Variants in KCNG2 observed in about 807,000 individuals in gnomAD.
KCNG2 encodes voltage-gated potassium channel regulatory subunit KCNG2.
Under a neutral mutation model 12.3 loss-of-function variants are expected in KCNG2, and 7 were observed. The ratio of observed to expected loss-of-function variants is 0.57; its 90% confidence interval spans 0.32 to 1.07. KCNG2 has a LOEUF of 1.07. Ranked by LOEUF, KCNG2 falls within the 50% of genes least tolerant of loss-of-function variation. The probability of loss-of-function intolerance (pLI) is 0.04; values close to 1 mark genes in which losing one functional copy is unlikely to be tolerated. For missense variants in KCNG2, 703 were observed against 726.0 expected (o/e 0.97, Z 0.36); for synonymous variants, 414 against 351.4 (o/e 1.18, Z -1.99).
chr18:79,853,880 G>A (rs1032305713), intron 1 of KCNG2, among the ~76,000 whole-genome samples: 1 of 152,224 alleles, frequency 6.6e-6, no homozygotes, highest in Non-Finnish European at 1.5e-5. Context: ...CAGGTGCCTC[G>A]ACCCTGTGGG....
intron 3 of KCNG2, among the ~76,000 whole-genome samples, chr18:79,865,977 C>CTG (rs1979506323): frequency 1.3e-5 from 1 of 77,340 alleles, no homozygotes. Context: ...GGACTGTGTG[C>CTG]CGAGGTCTGG....
At chr18:79,829,134 C>CTG (rs1173174835) in intron 1 of KCNG2, among the ~76,000 whole-genome samples, 4 of 130,624 alleles carry the variant, frequency 3.1e-5, no homozygotes, top group Non-Finnish European at 6.4e-5. Context: ...GTGCATGTGT[C>CTG]TGTGTGTGGG....
At chr18:79,824,995 T>C (rs1010130575) in intron 1 of KCNG2, among the ~76,000 whole-genome samples, 7 of 152,238 alleles carry the variant, frequency 4.6e-5, no homozygotes, top group Non-Finnish European at 1.0e-4. Context: ...GAGCTTTCCT[T>C]CCTTCTCAAT....
Position 79,899,563 on chromosome 18 carries a change from A to C in KCNG2, c.1148A>C (p.Gln383Pro). 2 of 1,600,806 alleles carry C rather than the reference A, an allele frequency of 1.2e-6. No homozygotes were observed. Among genetic ancestry groups the C allele is most frequent in the Non-Finnish European group, 1.7e-6 (2 of 1,174,102 alleles). ...ATGGTCCCGCGCAGCCTGCCCGGGC[A>C]GGTGGTGGCGCTCAGCAGCATCCTC... is the stretch of plus-strand genomic sequence containing the variant. ...GDMVPRSLPG[Q>P]VVALSSILSG... Residue 383 changes from glutamine to proline, a missense_variant, in exon 4 of 4, where the codon CAG (glutamine) becomes CCG (proline). Gln to Pro is a moderately conservative substitution (Grantham distance 76). Transcript: ENST00000316249.
intron 1 of KCNG2, among the ~76,000 whole-genome samples, chr18:79,819,470 A>C (rs527446686): frequency 6.6e-5 from 10 of 152,188 alleles, no homozygotes; most frequent in Admixed American, 1.3e-4. Flanking sequence ...TGGGCACCGG[A>C]CCCTCCTGGC....
intron 1 of KCNG2, among the ~76,000 whole-genome samples, chr18:79,841,792 C>T (rs1454157825): frequency 6.6e-6 from 1 of 152,190 alleles, no homozygotes; most frequent in Non-Finnish European, 1.5e-5. Flanking sequence ...AATACCTTCA[C>T]AAGAACTAAG....
chr18:79,821,749 G>C (rs1055693037), intron 1 of KCNG2, among the ~76,000 whole-genome samples: 1 of 152,144 alleles, frequency 6.6e-6, no homozygotes, highest in Non-Finnish European at 1.5e-5. Flanking sequence ...CATAGGTGTA[G>C]GGCTCATCTC....
chr18:79,868,690 G>A (rs1036713483), intron 3 of KCNG2, among the ~76,000 whole-genome samples: 2 of 152,300 alleles, frequency 1.3e-5, no homozygotes, highest in African/African-American at 4.8e-5. Context: ...TGTGAGAACC[G>A]TAAAATGATG....
intron 1 of KCNG2, among the ~76,000 whole-genome samples, chr18:79,849,495 G>A (rs1028129422): frequency 6.6e-6 from 1 of 152,204 alleles, no homozygotes; most frequent in Admixed American, 6.5e-5. Context: ...TGCAGGAGCC[G>A]CATCTGGACA....
At chr18:79,852,399 C>G (rs1251560533) in intron 1 of KCNG2, among the ~76,000 whole-genome samples, 1 of 152,248 alleles carries the variant, frequency 6.6e-6, no homozygotes, top group Non-Finnish European at 1.5e-5. Flanking sequence ...TCTGTAATAT[C>G]AAAGCATGTC....
chr18:79,878,060 G>A (rs940242681), intron 3 of KCNG2, among the ~76,000 whole-genome samples: 5 of 152,268 alleles, frequency 3.3e-5, no homozygotes, highest in African/African-American at 7.2e-5. Context: ...CGGCGCTGCC[G>A]CGTGGTGTGA....
At chr18:79,827,936 T>TTA (rs1978287417) in intron 1 of KCNG2, among the ~76,000 whole-genome samples, 1 of 151,396 alleles carries the variant, frequency 6.6e-6, no homozygotes, top group South Asian at 2.1e-4. Flanking sequence ...TCTTTTTTTT[T>TTA]TTTTTGAGAT....
chr18:79,854,238 C>T (rs1041199714), intron 1 of KCNG2, among the ~76,000 whole-genome samples: 7 of 152,226 alleles, frequency 4.6e-5, no homozygotes, highest in African/African-American at 1.7e-4. Context: ...CCCCGTTCAC[C>T]AGAGCCCCCA....
intron 1 of KCNG2, among the ~76,000 whole-genome samples, chr18:79,829,349 G>A (rs1286739111): frequency 6.6e-6 from 1 of 152,148 alleles, no homozygotes; most frequent in Admixed American, 6.5e-5. Context: ...GTGTGTCTGT[G>A]TGTGTATCTG....
chr18:79,814,223 G>A (rs145979148), intron 1 of KCNG2, among the ~76,000 whole-genome samples: 25 of 152,260 alleles, frequency 1.6e-4, no homozygotes, highest in Non-Finnish European at 3.4e-4. Context: ...TGTCACTCCC[G>A]TATGACCCAG....
At chr18:79,876,083 A>G (rs1031765911) in intron 3 of KCNG2, 2 of 152,348 alleles carry the variant, frequency 1.3e-5, no homozygotes, top group Non-Finnish European at 2.9e-5. Flanking sequence ...CTCACGGGCC[A>G]CAGCAGCGGA....
At chr18:79,826,175 C>G (rs1978285670) in intron 1 of KCNG2, among the ~76,000 whole-genome samples, 1 of 152,032 alleles carries the variant, frequency 6.6e-6, no homozygotes, top group South Asian at 2.1e-4. Flanking sequence ...CCCGGGTAGT[C>G]GAGCTGAAAC....
intron 3 of KCNG2, among the ~76,000 whole-genome samples, chr18:79,882,490 C>G (rs938550210): frequency 1.2e-4 from 19 of 152,358 alleles, no homozygotes; most frequent in Non-Finnish European, 2.2e-4. Context: ...ATAAACTCAA[C>G]TGTAAGAAAA....
chr18:79,881,310 T>C (rs549023743), intron 3 of KCNG2, among the ~76,000 whole-genome samples: 1 of 152,286 alleles, frequency 6.6e-6, no homozygotes, highest in East Asian at 1.9e-4. Flanking sequence ...ACTGCCTATG[T>C]AGAAACACGC....
Sources: gnomAD v4.1 joint callset for allele counts (sites outside exome capture counted in the v4.1 genomes callset) on GRCh38, gnomAD v4.1.1 for gene constraint, MANE v1.5 for transcripts, NCBI Gene and HGNC (gene_info 2026-07-23, HGNC 2026-07-21) for gene names.